Variants in RHOA observed in about 807,000 individuals in gnomAD.
RHOA encodes the protein transforming protein RhoA.
In RHOA, 3 loss-of-function variants were observed where a neutral mutation model predicts 17.5. That is an observed-to-expected ratio of 0.17 (90% CI 0.08 to 0.44). The LOEUF is 0.44. RHOA is among the 20% of genes least tolerant of loss of function. The pLI is 0.99. For synonymous variants in RHOA, 98 were observed against 88.4 expected, an observed-to-expected ratio of 1.11 and a Z score of -0.61; for missense variants, 56 against 242.3, an observed-to-expected ratio of 0.23 and a Z score of 5.10.
intron 2 of RHOA, among the ~76,000 whole-genome samples, chr3:49,372,906 G>A (rs2048168764): frequency 6.6e-6 from 1 of 152,092 alleles, no homozygotes; most frequent in Non-Finnish European, 1.5e-5. Flanking sequence ...AAGGTCAGGA[G>A]CTTACTGATG....
intron 1 of RHOA, among the ~76,000 whole-genome samples, chr3:49,395,465 C>T (rs763568615): frequency 4.6e-5 from 7 of 152,094 alleles, no homozygotes; most frequent in Non-Finnish European, 5.9e-5. Flanking sequence ...AATCCCGGCA[C>T]TTTGGGAGAC....
At chr3:49,380,251 G>A (rs1456055606) in intron 1 of RHOA, among the ~76,000 whole-genome samples, 5 of 152,300 alleles carry the variant, frequency 3.3e-5, no homozygotes, top group Admixed American at 2.6e-4. Context: ...AGAACCAAAA[G>A]GTAAAAAGGA....
intron 1 of RHOA, among the ~76,000 whole-genome samples, chr3:49,385,716 T>A (rs2048386273): frequency 6.6e-6 from 1 of 152,116 alleles, no homozygotes; most frequent in African/African-American, 2.4e-5. Flanking sequence ...TAGTTTTAAG[T>A]CTTACACTTT....
chr3:49,370,820 C>G (rs1037925250), intron 2 of RHOA, among the ~76,000 whole-genome samples: 5 of 152,158 alleles, frequency 3.3e-5, no homozygotes, highest in African/African-American at 1.2e-4. Context: ...CAAGAGGTCT[C>G]CCTCCAATAC....
intron 1 of RHOA, among the ~76,000 whole-genome samples, chr3:49,385,258 T>C (rs1436347108): frequency 8.8e-5 from 13 of 148,020 alleles, no homozygotes; most frequent in African/African-American, 2.7e-4. Context: ...TCTTACTCTG[T>C]CGCCCAGGCT....
chr3:49,399,768 T>C (rs1057150821), intron 1 of RHOA, among the ~76,000 whole-genome samples: 3 of 152,118 alleles, frequency 2.0e-5, no homozygotes, highest in African/African-American at 7.2e-5. Context: ...TATATCCTTT[T>C]GCACTGTTTG....
intron 3 of RHOA, among the ~76,000 whole-genome samples, chr3:49,366,210 G>A (rs1020776330): frequency 6.6e-6 from 1 of 152,232 alleles, no homozygotes; most frequent in Middle Eastern, 3.4e-3. Flanking sequence ...TATCTGATAG[G>A]AGAGTGTCAA....
At chr3:49,377,781 T>C (rs1358860216) in intron 1 of RHOA, among the ~76,000 whole-genome samples, 1 of 150,222 alleles carries the variant, frequency 6.7e-6, no homozygotes, top group African/African-American at 2.5e-5. Context: ...CTCAAACTCT[T>C]ATGACTCAAC....
intron 2 of RHOA, among the ~76,000 whole-genome samples, chr3:49,371,025 T>G (rs1393671531): frequency 2.0e-5 from 3 of 152,156 alleles, no homozygotes; most frequent in South Asian, 4.1e-4. Context: ...GATATACTGA[T>G]GCCCAATTAT....
At chr3:49,395,645 G>A (rs2048602948) in intron 1 of RHOA, among the ~76,000 whole-genome samples, 6 of 151,910 alleles carry the variant, frequency 3.9e-5, no homozygotes, top group African/African-American at 2.4e-5. Context: ...CCCAGGAGGC[G>A]GAGGTTGCAG....
At position 49,359,225 on chromosome 3, in the gene RHOA, A is replaced by G. The variant is rs2047914459; in HGVS notation, c.*984T>C. 5.2e-6 allele frequency: 1 copy of G among 191,334 alleles called. No homozygotes were observed. Among genetic ancestry groups the G allele is most frequent in the Non-Finnish European group, 1.1e-5 (1 of 91,128 alleles). The allele number at this position is 191,334 out of a possible 1,614,324, so 11.9% of individuals were successfully genotyped here. A position where few individuals can be genotyped will look rare whatever the true frequency, so the allele number is the denominator to read the frequency against. ...AAAAGTTTAGTCAGCTGGAGAGAAG[A>G]GAGACTGAGTGCCACCCATGAGAAC... On this transcript the variant is annotated 3_prime_UTR_variant, in exon 5 of 5. Transcript: ENST00000418115.
intron 1 of RHOA, among the ~76,000 whole-genome samples, chr3:49,380,688 A>G (rs1280501558): frequency 6.9e-6 from 1 of 144,736 alleles, no homozygotes. Flanking sequence ...AATAATAATA[A>G]TAATAATAAT....
chr3:49,384,543 G>C (rs920649847), intron 1 of RHOA, among the ~76,000 whole-genome samples: 1 of 151,164 alleles, frequency 6.6e-6, no homozygotes, highest in African/African-American at 2.4e-5. Flanking sequence ...GGGTCTCACT[G>C]TCATCCAGGC....
rs62926260 is a variant in RHOA at position 49,367,342 on chromosome 3, C to CAAA, written c.277+1083_277+1085dup. Among the ~76,000 whole-genome samples the CAAA allele has an allele frequency of 4.7e-4, 38 of 80,494 alleles. 2 individuals are homozygous for CAAA. The highest frequency in any genetic ancestry group is 6.6e-4 in the African/African-American group (13 of 19,808). 52.8% of individuals were successfully genotyped at this position (80,494 alleles called of 152,430 possible). A position where few individuals can be genotyped will look rare whatever the true frequency, so the allele number is the denominator to read the frequency against. On this transcript the variant is annotated intron_variant, in intron 3 of 4. Transcript: ENST00000418115. ...TGGGAGACAGAGCAAGACTCCCTCT[C>CAAA]AAAAAAAAAAAAAAAAAAAAAAAAG...
In RHOA at chr3:49,396,444, T is replaced by G. The variant is rs140850044; in HGVS notation, c.-3+15376A>C. Among the ~76,000 whole-genome samples, 1,488 of 151,926 alleles carry G rather than the reference T, an allele frequency of 9.8e-3. 29 individuals carry two copies. The highest frequency in any genetic ancestry group is 0.032 in the African/African-American group (1,338 of 41,440). On this transcript the variant is annotated intron_variant, in intron 1 of 4. Coordinates refer to ENST00000418115, the MANE Select transcript of RHOA (RefSeq NM_001664.4). Reference sequence around the variant, plus strand: ...CAAAAAATTAGTTGGGCGCGGTGGCTCGCACCTGTAATCCCAGTACTTTGG... The same window carrying G: ...CAAAAAATTAGTTGGGCGCGGTGGCGCGCACCTGTAATCCCAGTACTTTGG...
chr3:49,384,068 A>C (rs1467239383), intron 1 of RHOA, among the ~76,000 whole-genome samples: 1 of 152,086 alleles, frequency 6.6e-6, no homozygotes, highest in Non-Finnish European at 1.5e-5. Flanking sequence ...ATATCTGATA[A>C]AGAACATTTG....
intron 1 of RHOA, among the ~76,000 whole-genome samples, chr3:49,377,842 T>C (rs754833835): frequency 6.6e-5 from 10 of 151,442 alleles, no homozygotes; most frequent in Non-Finnish European, 1.3e-4. Context: ...TCTTGCAAGG[T>C]TGAAATCATA....
rs2048146909 is a variant in RHOA at position 49,371,487 on chromosome 3, G to A, written c.157-2939C>T. 2.0e-5 allele frequency among the ~76,000 whole-genome samples: 3 copies of A among 151,844 alleles called. No homozygotes were observed. The South Asian group carries it at 6.2e-4, about 32-fold the overall frequency. The stretch of plus-strand genomic sequence containing the variant: ...GTAGAGATTGGGTTTTGCCATGTTG[G>A]GCAGGCTGGTCTCAAACTCCTGACC... On this transcript the variant is annotated intron_variant, in intron 2 of 4. Coordinates refer to ENST00000418115, the MANE Select transcript of RHOA (RefSeq NM_001664.4).
intron 1 of RHOA, among the ~76,000 whole-genome samples, chr3:49,403,683 A>C: frequency 6.6e-6 from 1 of 152,160 alleles, no homozygotes; most frequent in Non-Finnish European, 1.5e-5. Flanking sequence ...CATGATTCCG[A>C]CACTGCACTT....
Sources: allele counts gnomAD v4.1 joint callset (sites outside exome capture counted in the v4.1 genomes callset), GRCh38; gene constraint gnomAD v4.1.1; transcripts MANE v1.5; gene names NCBI Gene and HGNC (gene_info 2026-07-23, HGNC 2026-07-21).